The following FAN1 variants were observed in gnomAD, a reference collection of about 807,000 sequenced individuals.
FAN1 encodes fanconi-associated nuclease 1.
A neutral mutation model predicts 104.9 loss-of-function variants in FAN1; 91 were observed. The ratio of observed to expected loss-of-function variants is 0.87; its 90% CI spans 0.73 to 1.03. The LOEUF (loss-of-function observed/expected upper bound fraction) is 1.03, where lower values mean the gene tolerates loss of function less well. FAN1 is among the 50% of genes least tolerant of loss of function. The pLI, the probability that FAN1 is intolerant of heterozygous loss-of-function variation, is 0.00. For synonymous variants in FAN1, 478 were observed against 457.6 expected (o/e 1.04, Z -0.57); for missense variants, 1,263 against 1,239.9 (o/e 1.02, Z -0.28).
chr15:30,905,741 G>C lies in FAN1; in HGVS notation c.1078G>C (p.Gly360Arg), dbSNP rs1317573900. 1 of 1,614,188 alleles carries C rather than the reference G, an allele frequency of 6.2e-7. No individual in the cohort carries two copies. Among genetic ancestry groups the C allele is most frequent in the South Asian group, 1.1e-5 (1 of 91,078 alleles). Reference sequence around the variant, plus strand: ...CCCTCACAGCATTCCTTTGGAGCAGGGGTCAAGCTGCAATGGTCCTGGTCA... The same window carrying C: ...CCCTCACAGCATTCCTTTGGAGCAGCGGTCAAGCTGCAATGGTCCTGGTCA... Reference protein sequence around the residue: ...DIPHSIPLEQGSSCNGPGQTT... With the variant: ...DIPHSIPLEQRSSCNGPGQTT... The change falls in exon 2 of 15, where the codon GGG becomes CGG. Residue 360 changes from glycine to arginine, a missense_variant. Transcript: ENST00000362065.
At chr15:30,940,827 C>CTAAG (rs2063020692) in intron 14 of FAN1, 2 of 988,470 alleles carry the variant, frequency 2.0e-6, no homozygotes, top group Admixed American at 6.0e-5. Flanking sequence ...AAAGGCACTT[C>CTAAG]TAAGTTTAAT....
chr15:30,920,492 C>A, intron 6 of FAN1, 53 bp from the exon 7 acceptor site: 9 of 1,134,106 alleles, frequency 7.9e-6, no homozygotes, highest in Non-Finnish European at 1.2e-5. Flanking sequence ...TTATTATTGT[C>A]TTATAATAAA....
intron 14 of FAN1, chr15:30,940,271 G>A (rs951838334): frequency 2.1e-6 from 2 of 971,650 alleles, no homozygotes; most frequent in Non-Finnish European, 2.4e-6. Flanking sequence ...ACACAGTTTG[G>A]AAATACTTTA....
At chr15:30,929,594 TATATTAC>T (rs1342901259) in intron 12 of FAN1, among the ~76,000 whole-genome samples, 197 bp downstream of exon 12, 29 of 129,748 alleles carry the variant, frequency 2.2e-4, no homozygotes, top group African/African-American at 7.2e-4. Flanking sequence ...TTATATATTA[TATATTAC>T]ATATTACATA....
intron 11 of FAN1, chr15:30,928,929 C>A (rs113688207): frequency 2.4e-6 from 1 of 409,604 alleles, no homozygotes; most frequent in Non-Finnish European, 3.3e-6. Flanking sequence ...GAGCACCTGC[C>A]GTGTCGCAGG....
intron 8 of FAN1, 134 bp from the exon 9 acceptor site, chr15:30,924,993 C>G: frequency 2.3e-6 from 2 of 867,822 alleles, no homozygotes; most frequent in East Asian, 2.6e-5. Flanking sequence ...GCCTAAATCT[C>G]TAGAAGTGCT....
At chr15:30,924,141 T>C (rs772326951) in intron 8 of FAN1, among the ~76,000 whole-genome samples, 1 of 152,252 alleles carries the variant, frequency 6.6e-6, no homozygotes, top group African/African-American at 2.4e-5. Flanking sequence ...AGCATCATGT[T>C]TCTGAGCTTC....
chr15:30,930,754 G>A, intron 13 of FAN1, 83 bp downstream of exon 13: 5 of 1,525,840 alleles, frequency 3.3e-6, no homozygotes, highest in Non-Finnish European at 4.5e-6. Flanking sequence ...TTTCTTGAGT[G>A]GCTGTTGGCA....
At chr15:30,913,031 T>A (rs1249487766) in intron 4 of FAN1, among the ~76,000 whole-genome samples, 1 of 152,154 alleles carries the variant, frequency 6.6e-6, no homozygotes, top group Non-Finnish European at 1.5e-5. Flanking sequence ...GCTGGACCAT[T>A]CTGTACACTA....
rs1471909100 is a variant in FAN1, at chr15:30,918,215, T to C, written c.1863T>C (p.Asn621=). Residue 621 remains asparagine, a synonymous_variant, in exon 6 of 15, where the codon AAT becomes AAC. Transcript: ENST00000362065. ...MLSDISSAMA[N]GNWEEAKELA... ...GTGACATTTCTTCCGCAATGGCCAA[T>C]GGGAACTGGGAAGAAGCTAAGGAGC... 5.0e-6 allele frequency: 8 copies of C among 1,613,950 alleles called. No individual in the cohort carries two copies. The highest frequency in any genetic ancestry group is 6.8e-6 in the Non-Finnish European group (8 of 1,180,002).
Position 30,914,086 on chromosome 15 carries a change from T to G in FAN1, c.1806T>G (p.Leu602=). The G allele has an allele frequency of 1.9e-6, 3 of 1,606,500 alleles. No individual in the cohort carries two copies. Among genetic ancestry groups the G allele is most frequent in the Non-Finnish European group, 2.6e-6 (3 of 1,173,062 alleles). The change falls in exon 5 of 15, where the codon CTT becomes CTG. Residue 602 remains leucine (L), a synonymous_variant. Transcript: ENST00000362065. ...KTHIFQDRDD[L]IRYAAATHML... Reference sequence around the variant, plus strand: ...ACATCTTCCAAGACAGAGATGATCTTATCAGGTAAGATGATGTTAGCTCAC... The same window carrying G: ...ACATCTTCCAAGACAGAGATGATCTGATCAGGTAAGATGATGTTAGCTCAC...
intron 4 of FAN1, 44 bp downstream of exon 4, chr15:30,910,859 T>C (rs765792697): frequency 6.3e-7 from 1 of 1,575,642 alleles, no homozygotes; most frequent in African/African-American, 1.3e-5. Context: ...AAAATGTTGA[T>C]AGCACATATT....
Position 30,905,169 on chromosome 15 carries a change from C to T in FAN1, c.506C>T (p.Ser169Leu). The T allele has an allele frequency of 1.2e-6, 2 of 1,613,714 alleles. No individual in the cohort carries two copies. Among genetic ancestry groups the T allele is most frequent in the South Asian group, 1.1e-5 (1 of 91,068 alleles). ...AGAAAATACGTAAAGGCTAAAAAATCAATAGATAAGGATGAAGAATTTGCC... is the reference window on the plus strand; with the variant it reads ...AGAAAATACGTAAAGGCTAAAAAATTAATAGATAAGGATGAAGAATTTGCC... ...LSRKYVKAKKSIDKDEEFAGS... is the reference protein window; with the variant it reads ...LSRKYVKAKKLIDKDEEFAGS... Residue 169 changes from serine to leucine, a missense_variant, in exon 2 of 15, where the codon TCA (serine) becomes TTA (leucine). By Grantham distance (145) the Ser-to-Leu change is moderately radical. Around this residue, in one of 2 missense-constraint regions of FAN1, gnomAD observed 682 missense variants for 571.1 expected, o/e 1.19. Transcript: ENST00000362065.
intron 13 of FAN1, among the ~76,000 whole-genome samples, chr15:30,936,755 A>T (rs2062865398): frequency 6.6e-6 from 1 of 152,236 alleles, no homozygotes; most frequent in South Asian, 2.1e-4. Flanking sequence ...ATTAGCCTAC[A>T]GTTGGGCAGA....
intron 14 of FAN1, chr15:30,939,643 ATAC>A (rs1239141893): frequency 3.2e-5 from 28 of 874,552 alleles, no homozygotes; most frequent in East Asian, 3.4e-4. Flanking sequence ...CAACAATAAA[ATAC>A]TACAAGAGTT....
intron 14 of FAN1, among the ~76,000 whole-genome samples, chr15:30,937,774 A>T (rs2062902605): frequency 6.6e-6 from 1 of 151,916 alleles, no homozygotes; most frequent in South Asian, 2.1e-4. Flanking sequence ...GAACTTTTTT[A>T]AAAGAGAAAA....
chr15:30,927,336 A>G, intron 10 of FAN1: 4 of 985,556 alleles, frequency 4.1e-6, no homozygotes, highest in Non-Finnish European at 4.8e-6. Flanking sequence ...GCTGGGAAAG[A>G]GCATGAAGTG....
chr15:30,910,733 G>A lies in FAN1; in HGVS notation c.1495G>A (p.Ala499Thr), dbSNP rs1271743247. 7.4e-6 allele frequency: 12 copies of A among 1,614,080 alleles called. No individual in the cohort carries two copies. The highest frequency in any genetic ancestry group is 6.6e-5 in the South Asian group (6 of 91,074). Residue 499 changes from alanine (A) to threonine (T), a missense_variant, in exon 4 of 15, where the codon GCC (alanine) becomes ACC (threonine). This residue lies in a region of FAN1 where 581 missense variants were observed against 668.8 expected (regional missense o/e 0.87). Transcript: ENST00000362065. ...TGGACAGAAACAGCAGCTGGTGGAC[G>A]CCTTTCTCAAATTGGCCAAACAGCG... ...PNGQKQQLVDAFLKLAKQRSV... is the reference protein window; with the variant it reads ...PNGQKQQLVDTFLKLAKQRSV...
rs559837944 is a variant in FAN1, at chr15:30,942,852, G to T, written c.*1290G>T. 7 of 1,524,500 alleles carry T rather than the reference G, an allele frequency of 4.6e-6. No individual in the cohort carries two copies. Among genetic ancestry groups the T allele is most frequent in the East Asian group, 2.4e-5 (1 of 41,064 alleles). The allele number at this position is 1,524,500 out of a possible 1,614,324, so 94.4% of individuals were successfully genotyped here. A position where few individuals can be genotyped will look rare whatever the true frequency, so the allele number is the denominator to read the frequency against. On this transcript the variant is annotated 3_prime_UTR_variant, in exon 15 of 15. Coordinates refer to ENST00000362065, the MANE Select transcript of FAN1 (RefSeq NM_014967.5). Reference sequence around the variant, plus strand: ...TTCTGAAAAAGAGGTGTTTGGTTACGTGTGAGCCAACATCACGTTTTGTTA... The same window carrying T: ...TTCTGAAAAAGAGGTGTTTGGTTACTTGTGAGCCAACATCACGTTTTGTTA...
Sources: allele counts gnomAD v4.1 joint callset (sites outside exome capture counted in the v4.1 genomes callset), GRCh38; gene constraint gnomAD v4.1.1; regional missense constraint gnomAD v4.1.1; transcripts MANE v1.5; gene names NCBI Gene and HGNC (gene_info 2026-07-23, HGNC 2026-07-21).